The following RPAP3 variants were observed in gnomAD, a reference collection of about 807,000 sequenced individuals.
RPAP3 encodes the protein RNA polymerase II-associated protein 3.
RPAP3 carries 58 observed loss-of-function variants against 88.8 expected under a neutral mutation model. The ratio of observed to expected loss-of-function variants is 0.65; its 90% CI spans 0.53 to 0.81. The LOEUF is 0.81. RPAP3 is among the 40% of genes least tolerant of loss of function. The pLI is 0.00. For missense variants in RPAP3, 751 were observed against 764.3 expected, an observed-to-expected ratio of 0.98 and a Z score of 0.20; for synonymous variants, 255 against 259.9, an observed-to-expected ratio of 0.98 and a Z score of 0.18.
At chr12:47,665,110 G>C (rs1215436066) in intron 16 of RPAP3, among the ~76,000 whole-genome samples, 1 of 113,114 alleles carries the variant, frequency 8.8e-6, no homozygotes, top group East Asian at 2.4e-4. Context: ...TTTTTTTTTT[G>C]AGACAGAGTT....
At chr12:47,666,640 A>C (rs746649947) in intron 16 of RPAP3, among the ~76,000 whole-genome samples, 8 of 152,106 alleles carry the variant, frequency 5.3e-5, no homozygotes, top group African/African-American at 1.2e-4. Flanking sequence ...CAGACTATGG[A>C]GTTGGACTGC....
In RPAP3 at chr12:47,679,764, A is replaced by G. The variant is rs373263418; in HGVS notation, c.1125T>C (p.Thr375=). Residue 375 remains threonine (T), a synonymous_variant, in exon 11 of 17, where the codon ACT becomes ACC. Coordinates refer to ENST00000005386, the MANE Select transcript of RPAP3 (RefSeq NM_024604.3). ...KLNEAKQDFE[T]VLLLEPGNKQ... ...TATTTCCAGGTTCCAGAAGTAAAACAGTTTCAAAATCTAAAGCGAATTTTT... is the reference window on the plus strand; with the variant it reads ...TATTTCCAGGTTCCAGAAGTAAAACGGTTTCAAAATCTAAAGCGAATTTTT... The G allele has an allele frequency of 6.2e-7, 1 of 1,604,058 alleles. No individual in the cohort carries two copies. The highest frequency in any genetic ancestry group is 8.5e-7 in the Non-Finnish European group (1 of 1,174,780).
rs1428560035 is a variant in RPAP3, at chr12:47,690,504, T to A, written c.667+14A>T. The A allele has an allele frequency of 6.3e-7, 1 of 1,587,312 alleles. No homozygotes were observed. The highest frequency in any genetic ancestry group is 8.6e-7 in the Non-Finnish European group (1 of 1,167,290). Reference sequence around the variant, plus strand: ...CACTGTTAAAGAATTCTTTAGAGAGTGACTAGAAAATACCTTTTTTGGCCT... The same window carrying A: ...CACTGTTAAAGAATTCTTTAGAGAGAGACTAGAAAATACCTTTTTTGGCCT... On this transcript the variant is annotated intron_variant, in intron 6 of 16. Transcript: ENST00000005386.
intron 3 of RPAP3, chr12:47,701,170 G>A: frequency 5.1e-6 from 1 of 196,308 alleles, no homozygotes; most frequent in South Asian, 1.3e-4. Context: ...TGGATGAAGA[G>A]CACACTGGAT....
intron 3 of RPAP3, among the ~76,000 whole-genome samples, chr12:47,699,132 G>C (rs1285930592): frequency 6.6e-6 from 1 of 152,078 alleles, no homozygotes; most frequent in African/African-American, 2.4e-5. Flanking sequence ...GAATGAAATG[G>C]GAATTAAACA....
chr12:47,691,997 G>A lies in RPAP3; in HGVS notation c.546-1358C>T, dbSNP rs988425045. Among the ~76,000 whole-genome samples the A allele has an allele frequency of 8.5e-5, 13 of 152,136 alleles. No homozygotes were observed. In the East Asian group the frequency reaches 1.4e-3, roughly 16 times the overall value. ...CCTGACCTTGTGATCTGCCCGCCTC[G>A]GCCTCCCACAAATCTTTTTTTCTAA... On this transcript the variant is annotated intron_variant, in intron 5 of 16. Coordinates refer to ENST00000005386, the MANE Select transcript of RPAP3 (RefSeq NM_024604.3).
Position 47,701,537 on chromosome 12 carries a change from T to C in RPAP3, c.221A>G (p.Lys74Arg). The C allele has an allele frequency of 6.2e-7, 1 of 1,606,246 alleles. No homozygotes were observed. The highest frequency in any genetic ancestry group is 8.5e-7 in the Non-Finnish European group (1 of 1,176,782). ...KKKGKAKESSKKTREENTKNR... is the reference protein window; with the variant it reads ...KKKGKAKESSRKTREENTKNR... ...TTTTGTGTTTTCCTCTCTGGTTTTT[T>C]TGGAAGACTCTTTAGCTTTGCCTTT... Residue 74 changes from lysine (K) to arginine (R), a missense_variant, in exon 3 of 17, where the codon AAA becomes AGA. By Grantham distance (26) the Lys-to-Arg change is conservative. Transcript: ENST00000005386.
chr12:47,666,757 C>T (rs1938882095), intron 16 of RPAP3, among the ~76,000 whole-genome samples: 4 of 152,150 alleles, frequency 2.6e-5, no homozygotes, highest in Non-Finnish European at 5.9e-5. Flanking sequence ...AAAACAGTAC[C>T]TACACTTCAT....
intron 3 of RPAP3, among the ~76,000 whole-genome samples, chr12:47,699,017 C>T (rs1939592904): frequency 6.6e-6 from 1 of 152,180 alleles, no homozygotes; most frequent in Non-Finnish European, 1.5e-5. Context: ...AGAAATACCA[C>T]CAGCCTACCA....
rs1938891985 is a variant in RPAP3, at chr12:47,667,147, T to G, written c.1812-67A>C. On this transcript the variant is annotated intron_variant, in intron 15 of 16. Transcript: ENST00000005386. ...CAGCTCATTTATTAATAATTCTGTT[T>G]ACTAACACAATACTTCTAATTATAC... 9.4e-6 allele frequency: 6 copies of G among 639,964 alleles called. No individual in the cohort carries two copies. The South Asian group carries it at 2.1e-4, about 22-fold the overall frequency. The allele number at this position is 639,964 out of a possible 1,614,324, so 39.6% of individuals were successfully genotyped here.
chr12:47,686,867 A>G lies in RPAP3; in HGVS notation c.905T>C (p.Ile302Thr), dbSNP rs746734456. Residue 302 changes from isoleucine (I) to threonine (T), a missense_variant, in exon 9 of 17, where the codon ATT (isoleucine) becomes ACT (threonine). Physicochemically the swap from Ile to Thr is moderately conservative, Grantham distance 89 (BLOSUM62 -1). Transcript: ENST00000005386. Reference sequence around the variant, plus strand: ...TGCTATCCCTCGAGTATAGCATTCAATTGCTCTTTCATATTTCCCCTCTTT... The same window carrying G: ...TGCTATCCCTCGAGTATAGCATTCAGTTGCTCTTTCATATTTCCCCTCTTT... Reference protein sequence around the residue: ...FFKEGKYERAIECYTRGIAAD... With the variant: ...FFKEGKYERATECYTRGIAAD... 6.2e-7 allele frequency: 1 copy of G among 1,604,402 alleles called. No individual in the cohort carries two copies. The highest frequency in any genetic ancestry group is 1.1e-5 in the South Asian group (1 of 90,040).
intron 16 of RPAP3, among the ~76,000 whole-genome samples, chr12:47,666,642 T>C (rs1207137075): frequency 1.3e-5 from 2 of 152,138 alleles, no homozygotes; most frequent in African/African-American, 2.4e-5. Context: ...GACTATGGAG[T>C]TGGACTGCCT....
At position 47,667,028 on chromosome 12, in the gene RPAP3, T is replaced by C. The variant is rs758733529; in HGVS notation, c.1864A>G (p.Lys622Glu). ...FEILQRLSEL[K>E]RFDMAVMFMS... is the part of the protein sequence containing the mutation. Reference sequence around the variant, plus strand: ...AACATCACTGCCATATCAAACCTTTTTAGTTCAGAAAGTCTTTGTAAGATT... The same window carrying C: ...AACATCACTGCCATATCAAACCTTTCTAGTTCAGAAAGTCTTTGTAAGATT... The change falls in exon 16 of 17, where the codon AAA (lysine) becomes GAA (glutamate). Residue 622 changes from lysine (K) to glutamate (E), a missense_variant. By Grantham distance (56) the Lys-to-Glu change is moderately conservative (BLOSUM62 1). Transcript: ENST00000005386. 26 of 1,536,630 alleles carry C rather than the reference T, an allele frequency of 1.7e-5. No individual in the cohort carries two copies. The highest frequency in any genetic ancestry group is 2.0e-5 in the Non-Finnish European group (23 of 1,150,204).
intron 12 of RPAP3, among the ~76,000 whole-genome samples, chr12:47,670,792 C>T (rs922357239): frequency 2.0e-5 from 3 of 152,146 alleles, no homozygotes; most frequent in Non-Finnish European, 4.4e-5. Flanking sequence ...AGTTTGAAGA[C>T]AGCTTATGAA....
chr12:47,695,329 G>C (rs1308386401), intron 5 of RPAP3, among the ~76,000 whole-genome samples: 2 of 152,060 alleles, frequency 1.3e-5, no homozygotes, highest in Non-Finnish European at 2.9e-5. Flanking sequence ...ACTACACACA[G>C]TATGATATAC....
chr12:47,679,335 A>C (rs1565716770), intron 12 of RPAP3, among the ~76,000 whole-genome samples, 158 bp downstream of exon 12: 1 of 152,196 alleles, frequency 6.6e-6, no homozygotes, highest in East Asian at 1.9e-4. Context: ...AACATGGCAC[A>C]TGTATACCTA....
At chr12:47,684,360 C>G (rs1386672390) in intron 9 of RPAP3, among the ~76,000 whole-genome samples, 3 of 152,206 alleles carry the variant, frequency 2.0e-5, no homozygotes, top group Non-Finnish European at 4.4e-5. Flanking sequence ...GTAAGACTGA[C>G]TATACTGCTG....
intron 5 of RPAP3, among the ~76,000 whole-genome samples, chr12:47,691,774 T>G (rs1445541785): frequency 2.0e-5 from 3 of 151,222 alleles, no homozygotes; most frequent in African/African-American, 7.3e-5. Flanking sequence ...TGAGACAGAG[T>G]CTTGCTCTGT....
intron 2 of RPAP3, 144 bp from the exon 3 acceptor site, chr12:47,701,748 TC>T (rs750936381): frequency 6.2e-5 from 32 of 514,838 alleles, no homozygotes; most frequent in Non-Finnish European, 9.3e-5. Flanking sequence ...TTTACCACCT[TC>T]ACTTATAACA....
Sources: allele counts gnomAD v4.1 joint callset (sites outside exome capture counted in the v4.1 genomes callset), GRCh38; gene constraint gnomAD v4.1.1; transcripts MANE v1.5; gene names NCBI Gene and HGNC (gene_info 2026-07-23, HGNC 2026-07-21).